Variants in CCSER1 observed in about 807,000 individuals in gnomAD.
CCSER1 encodes the protein serine-rich coiled-coil domain-containing protein 1.
In CCSER1, 41 loss-of-function variants were observed where a neutral mutation model predicts 82.0. The ratio of observed to expected loss-of-function variants is 0.50; its 90% CI spans 0.39 to 0.65. The LOEUF is 0.65. CCSER1 is among the 30% of genes least tolerant of loss of function. The probability of loss-of-function intolerance (pLI) is 0.00; values close to 1 mark genes in which losing one functional copy is unlikely to be tolerated. For synonymous variants in CCSER1, 414 were observed against 383.9 expected, an observed-to-expected ratio of 1.08 and a Z score of -0.92; for missense variants, 1,119 against 1,064.2, an observed-to-expected ratio of 1.05 and a Z score of -0.72.
chr4:91,526,204 A>G (rs1422466027), intron 10 of CCSER1, among the ~76,000 whole-genome samples: 1 of 152,152 alleles, frequency 6.6e-6, no homozygotes, highest in South Asian at 2.1e-4. Context: ...CCTCTACACA[A>G]TAAAACTTTG....
intron 5 of CCSER1, among the ~76,000 whole-genome samples, chr4:90,600,215 A>T (rs1783869003): frequency 6.6e-6 from 1 of 152,118 alleles, no homozygotes; most frequent in Admixed American, 6.6e-5. Context: ...CTCTTGAGTA[A>T]ATACTTAGGA....
At chr4:90,382,572 A>C (rs1749369496) in intron 3 of CCSER1, among the ~76,000 whole-genome samples, 1 of 152,088 alleles carries the variant, frequency 6.6e-6, no homozygotes, top group Non-Finnish European at 1.5e-5. Context: ...AATTCTTTTC[A>C]GAAAATGGAA....
At chr4:90,481,665 A>G (rs1765994544) in intron 5 of CCSER1, among the ~76,000 whole-genome samples, 1 of 152,178 alleles carries the variant, frequency 6.6e-6, no homozygotes, top group South Asian at 2.1e-4. Context: ...TATATGCTGG[A>G]TTACGTTTAT....
At chr4:90,435,313 A>G (rs1758849124) in intron 4 of CCSER1, among the ~76,000 whole-genome samples, 1 of 152,144 alleles carries the variant, frequency 6.6e-6, no homozygotes, top group Admixed American at 6.6e-5. Context: ...TAAATATTTC[A>G]TATTGATATT....
intron 9 of CCSER1, among the ~76,000 whole-genome samples, chr4:91,079,963 T>A (rs907472056): frequency 6.6e-6 from 1 of 152,076 alleles, no homozygotes; most frequent in Non-Finnish European, 1.5e-5. Flanking sequence ...CACACAATAA[T>A]AATGGCAGAC....
At chr4:91,042,380 G>GAGTC (rs2150579821) in intron 9 of CCSER1, among the ~76,000 whole-genome samples, 1 of 152,276 alleles carries the variant, frequency 6.6e-6, no homozygotes, top group South Asian at 2.1e-4. Flanking sequence ...GTTGAACTGT[G>GAGTC]AGTCAATTAA....
At chr4:90,768,770 T>C (rs948955496) in intron 7 of CCSER1, among the ~76,000 whole-genome samples, 1 of 152,200 alleles carries the variant, frequency 6.6e-6, no homozygotes, top group Non-Finnish European at 1.5e-5. Context: ...CCTAAAAGAC[T>C]GGACGATTTG....
intron 3 of CCSER1, among the ~76,000 whole-genome samples, chr4:90,352,279 G>A (rs1743598263): frequency 6.6e-6 from 1 of 152,062 alleles, no homozygotes. Context: ...AGCTGAGATT[G>A]CGCCACTGCA....
intron 6 of CCSER1, among the ~76,000 whole-genome samples, chr4:90,682,844 TAAA>T (rs1734144343): frequency 6.6e-6 from 1 of 152,116 alleles, no homozygotes; most frequent in African/African-American, 2.4e-5. Flanking sequence ...AATTTGTAAA[TAAA>T]TTTAATTCTT....
intron 10 of CCSER1, among the ~76,000 whole-genome samples, chr4:91,578,686 T>A (rs1187785848): frequency 6.6e-6 from 1 of 152,042 alleles, no homozygotes; most frequent in African/African-American, 2.4e-5. Flanking sequence ...AAAATGTGCT[T>A]AATACACTTT....
intron 3 of CCSER1, among the ~76,000 whole-genome samples, chr4:90,328,175 T>C (rs1191302374): frequency 6.6e-6 from 1 of 152,140 alleles, no homozygotes; most frequent in East Asian, 1.9e-4. Flanking sequence ...CAAAATTGAA[T>C]AGGCACGACA....
intron 6 of CCSER1, among the ~76,000 whole-genome samples, chr4:90,646,124 G>A (rs1196035314): frequency 1.3e-5 from 2 of 151,940 alleles, no homozygotes; most frequent in Non-Finnish European, 2.9e-5. Flanking sequence ...TAATTCTCTG[G>A]ACCACAGGCC....
At chr4:90,988,682 A>T (rs1029548678) in intron 9 of CCSER1, among the ~76,000 whole-genome samples, 8 of 151,838 alleles carry the variant, frequency 5.3e-5, no homozygotes, top group Non-Finnish European at 1.2e-4. Context: ...ACTTATAATG[A>T]CATAATAGAC....
At chr4:90,873,925 CTG>C (rs1004899650) in intron 8 of CCSER1, among the ~76,000 whole-genome samples, 15 of 152,042 alleles carry the variant, frequency 9.9e-5, no homozygotes, top group Admixed American at 7.2e-4. Flanking sequence ...GATTTAATAA[CTG>C]TCTTTAATTT....
chr4:90,439,613 G>A lies in CCSER1; in HGVS notation c.1604-28621G>A, dbSNP rs147099680. The stretch of plus-strand genomic sequence containing the variant: ...TTTTGCTTCTATATATCCTAATTCT[G>A]GCTTAAAGACATTTACTGAAAAAAG... On this transcript the variant is annotated intron_variant, in intron 4 of 10. Coordinates refer to ENST00000509176, the MANE Select transcript of CCSER1 (RefSeq NM_001145065.2). Among the ~76,000 whole-genome samples the A allele has an allele frequency of 3.4e-4, 52 of 152,174 alleles. No homozygotes were observed. In the East Asian group the frequency reaches 9.7e-3, roughly 28 times the overall value.
chr4:91,225,030 A>G (rs1411066056), intron 10 of CCSER1, among the ~76,000 whole-genome samples: 2 of 150,424 alleles, frequency 1.3e-5, no homozygotes, highest in East Asian at 3.9e-4. Context: ...TATTTTAAAC[A>G]TATATAAAAT....
At chr4:91,511,284 T>TA (rs1180429916) in intron 10 of CCSER1, among the ~76,000 whole-genome samples, 1 of 152,160 alleles carries the variant, frequency 6.6e-6, no homozygotes, top group African/African-American at 2.4e-5. Flanking sequence ...TTATTTTTCT[T>TA]AGACTTGCCT....
At chr4:90,452,702 A>G (rs539050440) in intron 4 of CCSER1, among the ~76,000 whole-genome samples, 1 of 152,310 alleles carries the variant, frequency 6.6e-6, no homozygotes, top group East Asian at 1.9e-4. Context: ...TTAATAGGTC[A>G]AAGGCCCTTT....
At chr4:90,929,760 CA>C (rs1301444274) in intron 9 of CCSER1, among the ~76,000 whole-genome samples, 1 of 152,040 alleles carries the variant, frequency 6.6e-6, no homozygotes, top group Non-Finnish European at 1.5e-5. Context: ...GTTGCTGGTC[CA>C]AGGTTATAAA....
Sources: allele counts gnomAD v4.1 joint callset (sites outside exome capture counted in the v4.1 genomes callset), GRCh38; gene constraint gnomAD v4.1.1; transcripts MANE v1.5; gene names NCBI Gene and HGNC (gene_info 2026-07-23, HGNC 2026-07-21).